RPS6KB1: variants seen among roughly 807,000 people sequenced by gnomAD.
RPS6KB1 encodes ribosomal protein S6 kinase B1.
Under a neutral mutation model 70.2 loss-of-function variants are expected in RPS6KB1, and 12 were observed. The observed-to-expected ratio is 0.17, with a 90% CI of 0.11 to 0.28. RPS6KB1 has a LOEUF of 0.28. Ranked by LOEUF, RPS6KB1 falls within the 10% of genes least tolerant of loss-of-function variation. RPS6KB1 has a pLI of 1.00. For missense variants in RPS6KB1, 270 were observed against 646.6 expected, an observed-to-expected ratio of 0.42 and a Z score of 6.32; for synonymous variants, 175 against 211.2, an observed-to-expected ratio of 0.83 and a Z score of 1.49.
rs552465365 is a variant in RPS6KB1, at chr17:59,911,796, A to G, written c.192-888A>G. Among the ~76,000 whole-genome samples, 6 of 151,800 alleles carry G rather than the reference A, an allele frequency of 4.0e-5. No homozygotes were observed. In the South Asian group the frequency reaches 1.2e-3, roughly 32 times the overall value. ...TTTTTAGTGGAGACAGGGTTTTACC[A>G]TGTTGGCCAGGCTGGTCTTGAACTC... is the stretch of plus-strand genomic sequence containing the variant. On this transcript the variant is annotated intron_variant, in intron 2 of 14. Transcript: ENST00000225577.
In RPS6KB1 at chr17:59,950,109, C is replaced by G. The variant is rs1350825667; in HGVS notation, c.*3321C>G. Reference sequence around the variant, plus strand: ...GTATTTGTCACACATAACCTGTGGTCTGTTGCTGATTAATACAGTACTTTT... The same window carrying G: ...GTATTTGTCACACATAACCTGTGGTGTGTTGCTGATTAATACAGTACTTTT... On this transcript the variant is annotated 3_prime_UTR_variant, in exon 15 of 15. Transcript: ENST00000225577. 2.0e-5 allele frequency: 3 copies of G among 152,564 alleles called. No homozygotes were observed. Among genetic ancestry groups the G allele is most frequent in the Non-Finnish European group, 2.9e-5 (2 of 67,960 alleles). The allele number at this position is 152,564 out of a possible 1,614,324, so 9.5% of individuals were successfully genotyped here. A position where few individuals can be genotyped will look rare whatever the true frequency, so the allele number is the denominator to read the frequency against.
intron 4 of RPS6KB1, among the ~76,000 whole-genome samples, chr17:59,925,491 T>C (rs2043552299): frequency 6.6e-6 from 1 of 152,234 alleles, no homozygotes; most frequent in East Asian, 1.9e-4. Context: ...TATTAGCCTT[T>C]CATTTTTTTC....
chr17:59,945,228 C>T (rs1429572536), intron 13 of RPS6KB1, 178 bp from the exon 14 acceptor site: 2 of 475,398 alleles, frequency 4.2e-6, no homozygotes, highest in Non-Finnish European at 7.6e-6. Context: ...GTGTGTGCCT[C>T]ACGAAATGGC....
chr17:59,946,894 G>A lies in RPS6KB1; in HGVS notation c.*106G>A, dbSNP rs2044959555. The A allele has an allele frequency of 1.1e-5, 17 of 1,565,648 alleles. No homozygotes were observed. In the South Asian group the frequency reaches 1.6e-4, roughly 14 times the overall value. ...AAAATGACAGTTTCAGAGAGTCAAT[G>A]TCATTACATAGAACACTTCAGACAC... On this transcript the variant is annotated 3_prime_UTR_variant, in exon 15 of 15. Coordinates refer to ENST00000225577, the MANE Select transcript of RPS6KB1 (RefSeq NM_003161.4). The surrounding 1 kb of genome is among the most constrained non-coding windows in gnomAD (Gnocchi z 4.2).
At chr17:59,910,053 G>A (rs2042541257) in intron 1 of RPS6KB1, among the ~76,000 whole-genome samples, 1 of 151,780 alleles carries the variant, frequency 6.6e-6, no homozygotes, top group African/African-American at 2.4e-5. Context: ...CAAGCATGGT[G>A]GTACATGCCT....
chr17:59,934,607 C>T lies in RPS6KB1; in HGVS notation c.870+83C>T. 9.7e-7 allele frequency: 1 copy of T among 1,026,474 alleles called. No homozygotes were observed. Among genetic ancestry groups the T allele is most frequent in the Non-Finnish European group, 1.5e-6 (1 of 676,822 alleles). 63.6% of individuals were successfully genotyped at this position (1,026,474 alleles called of 1,614,324 possible). ...AGAGACCTGTCCTGTGCTTTCTGAACATGTTACCAGTGGAGTTTTCAAAGC... is the reference window on the plus strand; with the variant it reads ...AGAGACCTGTCCTGTGCTTTCTGAATATGTTACCAGTGGAGTTTTCAAAGC... On this transcript the variant is annotated intron_variant, in intron 9 of 14. Transcript: ENST00000225577. The surrounding 1 kb of genome is among the most constrained non-coding windows in gnomAD (Gnocchi z 4.8).
At chr17:59,896,660 G>T (rs918640251) in intron 1 of RPS6KB1, among the ~76,000 whole-genome samples, 9 of 152,132 alleles carry the variant, frequency 5.9e-5, no homozygotes, top group African/African-American at 2.2e-4. Context: ...AAAATTGGTG[G>T]AAATAGGAAA....
At chr17:59,921,716 C>T (rs150755261) in intron 4 of RPS6KB1, among the ~76,000 whole-genome samples, 8 of 152,308 alleles carry the variant, frequency 5.3e-5, no homozygotes, top group Non-Finnish European at 1.0e-4. Flanking sequence ...TATCAACAGC[C>T]ATCACCCGAC....
intron 1 of RPS6KB1, among the ~76,000 whole-genome samples, chr17:59,901,739 T>G (rs576778106): frequency 2.0e-5 from 3 of 151,748 alleles, no homozygotes; most frequent in African/African-American, 7.3e-5. Context: ...TCTCTATAGA[T>G]TTGGCTTTTC....
intron 1 of RPS6KB1, among the ~76,000 whole-genome samples, chr17:59,895,390 C>T (rs1414621312): frequency 5.6e-5 from 8 of 144,110 alleles, no homozygotes; most frequent in Admixed American, 1.5e-4. Context: ...GGTGCGATCT[C>T]GGCTCACTGC....
At chr17:59,916,529 T>C (rs997860387) in intron 4 of RPS6KB1, among the ~76,000 whole-genome samples, 1 of 152,244 alleles carries the variant, frequency 6.6e-6, no homozygotes. Flanking sequence ...CCAACAACTT[T>C]GTAAAACACC....
At chr17:59,906,165 C>CA (rs2042252497) in intron 1 of RPS6KB1, among the ~76,000 whole-genome samples, 1 of 152,150 alleles carries the variant, frequency 6.6e-6, no homozygotes, top group South Asian at 2.1e-4. Context: ...AATTAGTTGA[C>CA]AATATAAATG....
At chr17:59,926,895 TA>T (rs2043638749) in intron 5 of RPS6KB1, among the ~76,000 whole-genome samples, 1 of 152,222 alleles carries the variant, frequency 6.6e-6, no homozygotes, top group African/African-American at 2.4e-5. Flanking sequence ...TACTGTAATT[TA>T]AATAATTGGG....
intron 4 of RPS6KB1, among the ~76,000 whole-genome samples, chr17:59,916,857 A>G (rs2144833996): frequency 6.6e-6 from 1 of 152,284 alleles, no homozygotes; most frequent in African/African-American, 2.4e-5. Flanking sequence ...TAATAAAAAT[A>G]TATCCATATT....
At chr17:59,894,796 G>T (rs2041426200) in intron 1 of RPS6KB1, among the ~76,000 whole-genome samples, 1 of 151,750 alleles carries the variant, frequency 6.6e-6, no homozygotes, top group Non-Finnish European at 1.5e-5. Context: ...GTAGAGACAG[G>T]GTTTCACCAT....
intron 13 of RPS6KB1, 124 bp downstream of exon 13, chr17:59,941,067 T>TTTTTG: frequency 1.7e-6 from 1 of 589,166 alleles, no homozygotes; most frequent in Non-Finnish European, 3.0e-6. Context: ...TTTTTTTTTT[T>TTTTTG]TTAAATAAGC....
At chr17:59,906,094 C>T (rs987215176) in intron 1 of RPS6KB1, among the ~76,000 whole-genome samples, 4 of 152,156 alleles carry the variant, frequency 2.6e-5, no homozygotes, top group African/African-American at 9.6e-5. Flanking sequence ...TCCAGTTGTT[C>T]CAACACATTT....
At chr17:59,935,516 C>T (rs1459660645) in intron 10 of RPS6KB1, among the ~76,000 whole-genome samples, 2 of 151,610 alleles carry the variant, frequency 1.3e-5, no homozygotes, top group African/African-American at 4.8e-5. Flanking sequence ...GCCCTGTCAC[C>T]CAGGCTAGAG....
chr17:59,942,261 T>A (rs1319918646), intron 13 of RPS6KB1, among the ~76,000 whole-genome samples: 3 of 152,224 alleles, frequency 2.0e-5, no homozygotes, highest in Non-Finnish European at 4.4e-5. Flanking sequence ...GGGATTTTTT[T>A]AACATTAATT....
Sources: gnomAD v4.1 joint callset for allele counts (sites outside exome capture counted in the v4.1 genomes callset) on GRCh38, gnomAD v4.1.1 for gene constraint, Gnocchi (gnomAD v3.1) non-coding constraint, MANE v1.5 for transcripts, NCBI Gene and HGNC (gene_info 2026-07-23, HGNC 2026-07-21) for gene names.